Variants in DIP2C observed in about 807,000 individuals in gnomAD.
The protein encoded by DIP2C is disco-interacting protein 2 homolog C.
A neutral mutation model predicts 192.4 loss-of-function variants in DIP2C; 33 were observed. The observed-to-expected ratio is 0.17, with a 90% CI of 0.13 to 0.23. The LOEUF is 0.23. DIP2C is among the 10% of genes least tolerant of loss of function. DIP2C has a pLI of 1.00. For missense variants in DIP2C, 1,537 were observed against 2,110.1 expected, an observed-to-expected ratio of 0.73 and a Z score of 5.32; for synonymous variants, 979 against 864.1, an observed-to-expected ratio of 1.13 and a Z score of -2.33.
At chr10:555,382 C>G (rs966570848) in intron 1 of DIP2C, among the ~76,000 whole-genome samples, 7 of 152,118 alleles carry the variant, frequency 4.6e-5, no homozygotes, top group Non-Finnish European at 1.0e-4. Context: ...ACCTAATAAC[C>G]GAACTTCATT....
chr10:607,712 T>C (rs902031811), intron 1 of DIP2C, among the ~76,000 whole-genome samples: 24 of 152,144 alleles, frequency 1.6e-4, no homozygotes, highest in African/African-American at 4.8e-4. Flanking sequence ...AAATCACAAG[T>C]GTAAACATTG....
intron 1 of DIP2C, among the ~76,000 whole-genome samples, chr10:657,906 C>T (rs1856484220): frequency 1.3e-5 from 2 of 152,092 alleles, no homozygotes; most frequent in African/African-American, 2.4e-5. Context: ...TGCCGCTGGA[C>T]CTGCCACTGG....
intron 17 of DIP2C, among the ~76,000 whole-genome samples, chr10:371,356 G>A (rs1960932836): frequency 6.6e-6 from 1 of 152,184 alleles, no homozygotes. Flanking sequence ...AGACACAGAT[G>A]CCCCTGGACT....
chr10:362,548 G>A lies in DIP2C; in HGVS notation c.2736C>T (p.Val912=), dbSNP rs202223122. The A allele has an allele frequency of 1.8e-5, 29 of 1,614,102 alleles. No homozygotes were observed. In the Middle Eastern group the frequency reaches 5.0e-4, roughly 28 times the overall value. The change falls in exon 22 of 37, where the codon GTC becomes GTT. Residue 912 remains valine, a synonymous_variant. Coordinates refer to ENST00000280886, the MANE Select transcript of DIP2C (RefSeq NM_014974.3). ...FLEGSLHPCN[V]LMCPHTCVTN... ...TGACGCAGGTGTGGGGGCACATTAG[G>A]ACATTGCAGGGGTGCAGAGAGCCCT...
At chr10:290,740 C>T (rs1159444102) in intron 32 of DIP2C, among the ~76,000 whole-genome samples, 1 of 152,234 alleles carries the variant, frequency 6.6e-6, no homozygotes, top group Non-Finnish European at 1.5e-5. Flanking sequence ...CAGAGGCCCC[C>T]ACCTCAGCAT....
chr10:579,793 A>G (rs1001817645), intron 1 of DIP2C, among the ~76,000 whole-genome samples: 1 of 152,008 alleles, frequency 6.6e-6, no homozygotes. Flanking sequence ...TCCATATAGC[A>G]TATGTACATA....
At chr10:337,486 TGTGC>T (rs1957891577) in intron 29 of DIP2C, among the ~76,000 whole-genome samples, 1 of 141,836 alleles carries the variant, frequency 7.1e-6, no homozygotes, top group African/African-American at 2.7e-5. Flanking sequence ...TGTGTATGTG[TGTGC>T]TGTGGAGGCC....
chr10:508,734 G>A (rs186862029), intron 1 of DIP2C, among the ~76,000 whole-genome samples: 1 of 150,746 alleles, frequency 6.6e-6, no homozygotes, highest in Non-Finnish European at 1.5e-5. Context: ...CACCCTAACC[G>A]CAGCGTCCAG....
chr10:278,786 G>A (rs1954660801), intron 36 of DIP2C, among the ~76,000 whole-genome samples: 1 of 152,202 alleles, frequency 6.6e-6, no homozygotes, highest in Non-Finnish European at 1.5e-5. Flanking sequence ...ACAGTTTAAA[G>A]GATATTTAAT....
At chr10:558,536 G>A (rs1240110893) in intron 1 of DIP2C, among the ~76,000 whole-genome samples, 4 of 152,182 alleles carry the variant, frequency 2.6e-5, no homozygotes, top group South Asian at 2.1e-4. Context: ...GGGGACAGGA[G>A]CACGTCCAGC....
chr10:413,616 A>G (rs1032770678), intron 8 of DIP2C, among the ~76,000 whole-genome samples: 7 of 152,258 alleles, frequency 4.6e-5, no homozygotes, highest in Admixed American at 4.6e-4. Flanking sequence ...ATAAGGCAGC[A>G]CAAAATCAAT....
At chr10:395,226 T>C (rs1385594432) in intron 10 of DIP2C, among the ~76,000 whole-genome samples, 2 of 151,952 alleles carry the variant, frequency 1.3e-5, no homozygotes, top group Non-Finnish European at 2.9e-5. Flanking sequence ...TTGAGATCTA[T>C]TGCAGAGCAG....
chr10:399,003 A>G, intron 10 of DIP2C, 106 bp downstream of exon 10: 2 of 968,222 alleles, frequency 2.1e-6, no homozygotes, highest in Non-Finnish European at 3.1e-6. Context: ...ACCGAAGGAA[A>G]CCCAGGGCCC....
chr10:495,188 A>G (rs1844731648), intron 1 of DIP2C, among the ~76,000 whole-genome samples: 2 of 152,188 alleles, frequency 1.3e-5, no homozygotes, highest in South Asian at 4.1e-4. Context: ...GAATTTGTAG[A>G]AACAGAGTGG....
intron 3 of DIP2C, among the ~76,000 whole-genome samples, chr10:447,475 C>G (rs12769209): frequency 2.1e-5 from 3 of 142,194 alleles, no homozygotes; most frequent in East Asian, 4.2e-4. Context: ...TCACTCCCAT[C>G]GATACTCAGG....
chr10:601,514 C>G (rs1441052875), intron 1 of DIP2C, among the ~76,000 whole-genome samples: 3 of 152,216 alleles, frequency 2.0e-5, no homozygotes, highest in African/African-American at 7.2e-5. Context: ...AGCTGGGAAA[C>G]TAAAAATGCA....
chr10:332,675 T>A (rs1050299718), intron 29 of DIP2C, among the ~76,000 whole-genome samples: 1 of 152,172 alleles, frequency 6.6e-6, no homozygotes, highest in African/African-American at 2.4e-5. Context: ...TCAAAAAGAA[T>A]AAAAATAGAC....
intron 4 of DIP2C, among the ~76,000 whole-genome samples, chr10:436,180 T>C (rs1378837454): frequency 6.6e-6 from 1 of 152,244 alleles, no homozygotes; most frequent in Non-Finnish European, 1.5e-5. Context: ...TGCATGTGTG[T>C]CCACATTTTA....
chr10:314,558 G>A (rs1238406705), intron 31 of DIP2C, among the ~76,000 whole-genome samples: 3 of 152,312 alleles, frequency 2.0e-5, no homozygotes, highest in East Asian at 3.9e-4. Flanking sequence ...GCAGCTGGAC[G>A]CCGTCCTTCC....
Sources: allele counts gnomAD v4.1 joint callset (sites outside exome capture counted in the v4.1 genomes callset), GRCh38; gene constraint gnomAD v4.1.1; transcripts MANE v1.5; gene names NCBI Gene and HGNC (gene_info 2026-07-23, HGNC 2026-07-21).